SRGAP3: variants seen among roughly 807,000 people sequenced by gnomAD.
SRGAP3 encodes SLIT-ROBO Rho GTPase-activating protein 3.
Under a neutral mutation model 121.1 loss-of-function variants are expected in SRGAP3, and 39 were observed. The observed-to-expected ratio is 0.32, with a 90% confidence interval of 0.25 to 0.42. The LOEUF (loss-of-function observed/expected upper bound fraction) is 0.42, where lower values mean the gene tolerates loss of function less well. SRGAP3 is among the 10% of genes least tolerant of loss of function. SRGAP3 has a pLI of 1.00. For missense variants in SRGAP3, 1,213 were observed against 1,470.6 expected (o/e 0.82, Z 2.86); for synonymous variants, 601 against 570.0 (o/e 1.05, Z -0.77).
At chr3:9,001,091 G>A (rs1942732631) in intron 18 of SRGAP3, among the ~76,000 whole-genome samples, 1 of 152,234 alleles carries the variant, frequency 6.6e-6, no homozygotes, top group Non-Finnish European at 1.5e-5. Context: ...GAAGGAAGGG[G>A]AGGGGATATG....
rs757405998 is a variant in SRGAP3 at position 8,994,386 on chromosome 3, C to A, written c.2365G>T (p.Val789Leu). 3.1e-6 allele frequency: 5 copies of A among 1,614,228 alleles called. No individual in the cohort carries two copies. Among genetic ancestry groups the A allele is most frequent in the Non-Finnish European group, 4.2e-6 (5 of 1,180,042 alleles). The change falls in exon 19 of 22, where the codon GTG becomes TTG. Residue 789 changes from valine (V) to leucine (L), a missense_variant. By Grantham distance (32) the Val-to-Leu change is conservative. This residue lies in a region of SRGAP3 where 793 missense variants were observed against 1,032.9 expected (regional missense o/e 0.77). Coordinates refer to ENST00000383836, the MANE Select transcript of SRGAP3 (RefSeq NM_014850.4). ...TACTGATGGGGGATGAGTCCATCCACGCCGTTGTGCCGGCCCTCCCACCAG... is the reference window on the plus strand; with the variant it reads ...TACTGATGGGGGATGAGTCCATCCAAGCCGTTGTGCCGGCCCTCCCACCAG... ...EDWWEGRHNG[V>L]DGLIPHQYIV...
At chr3:8,994,898 CTT>C (rs979571846) in intron 18 of SRGAP3, among the ~76,000 whole-genome samples, 1 of 152,158 alleles carries the variant, frequency 6.6e-6, no homozygotes, top group African/African-American at 2.4e-5. Flanking sequence ...CCCTTTTCCT[CTT>C]TGTCATTTAT....
At chr3:9,060,134 G>T (rs115491786) in intron 6 of SRGAP3, 97 bp downstream of exon 6, 35,665 of 1,578,872 alleles carry the variant, frequency 0.023, 522 homozygotes, top group South Asian at 0.034. Context: ...ACCCGAGAAT[G>T]TCAGGTAAAG....
chr3:9,015,911 G>T, intron 14 of SRGAP3, 180 bp from the exon 15 acceptor site: 1 of 652,850 alleles, frequency 1.5e-6, no homozygotes, highest in Non-Finnish European at 2.6e-6. Flanking sequence ...CAACTTATTT[G>T]AAAATGTTTA....
intron 1 of SRGAP3, among the ~76,000 whole-genome samples, chr3:9,182,855 ACTG>A (rs1951467844): frequency 1.3e-5 from 2 of 151,952 alleles, no homozygotes; most frequent in South Asian, 4.2e-4. Flanking sequence ...TGGAGGTCTC[ACTG>A]TGTTGCCCAG....
At chr3:8,987,428 T>C (rs2324668) in intron 21 of SRGAP3, among the ~76,000 whole-genome samples, 2 of 150,658 alleles carry the variant, frequency 1.3e-5, no homozygotes, top group African/African-American at 5.0e-5. Context: ...CTAAAAAAAA[T>C]AAATAAAAAG....
intron 3 of SRGAP3, among the ~76,000 whole-genome samples, chr3:9,284,222 C>T (rs1954728536): frequency 6.6e-6 from 1 of 152,116 alleles, no homozygotes; most frequent in South Asian, 2.1e-4. Flanking sequence ...CGGTATGCCA[C>T]ACAAGTGCTT....
chr3:9,184,261 C>T (rs1951526029), intron 1 of SRGAP3, among the ~76,000 whole-genome samples: 1 of 152,160 alleles, frequency 6.6e-6, no homozygotes, highest in African/African-American at 2.4e-5. Context: ...TGACCTTTAA[C>T]AAAACCTGCT....
chr3:9,067,614 T>C (rs1946490957), intron 4 of SRGAP3, among the ~76,000 whole-genome samples: 1 of 152,170 alleles, frequency 6.6e-6, no homozygotes, highest in Admixed American at 6.5e-5. Flanking sequence ...ATGATCTTCA[T>C]GCCTTGGTTA....
chr3:9,334,699 A>G (rs944755344), intron 1 of SRGAP3, among the ~76,000 whole-genome samples: 4 of 152,230 alleles, frequency 2.6e-5, no homozygotes, highest in Non-Finnish European at 5.9e-5. Context: ...GGTGACTGCC[A>G]GGTCTAATGG....
intron 1 of SRGAP3, among the ~76,000 whole-genome samples, chr3:9,161,408 C>T (rs1048974186): frequency 3.3e-5 from 5 of 152,212 alleles, no homozygotes; most frequent in Admixed American, 2.6e-4. Context: ...GTGTGCCAGA[C>T]ACTGCACCAA....
intron 1 of SRGAP3, chr3:9,193,164 G>A (rs1212331790): frequency 6.6e-6 from 1 of 152,272 alleles, no homozygotes; most frequent in Admixed American, 6.5e-5. Flanking sequence ...GAGGGATGAT[G>A]AAGTCAGTCA....
At chr3:9,205,166 C>G (rs1009981556) in intron 1 of SRGAP3, among the ~76,000 whole-genome samples, 1 of 152,136 alleles carries the variant, frequency 6.6e-6, no homozygotes, top group Non-Finnish European at 1.5e-5. Context: ...AACACAAAGT[C>G]ACAAGTGTAA....
intron 3 of SRGAP3, among the ~76,000 whole-genome samples, chr3:9,101,175 T>C (rs560456425): frequency 1.3e-5 from 2 of 152,338 alleles, no homozygotes; most frequent in African/African-American, 4.8e-5. Context: ...GCGTTCTTTA[T>C]TGAGGGACAT....
intron 2 of SRGAP3, among the ~76,000 whole-genome samples, chr3:9,113,993 G>A (rs777865314): frequency 3.3e-5 from 5 of 152,162 alleles, no homozygotes; most frequent in Non-Finnish European, 5.9e-5. Flanking sequence ...GCCAGAGAGC[G>A]CAGTTCAGGG....
chr3:9,088,754 A>G (rs1947609270), intron 3 of SRGAP3, among the ~76,000 whole-genome samples: 1 of 151,744 alleles, frequency 6.6e-6, no homozygotes, highest in African/African-American at 2.4e-5. Flanking sequence ...ATGCTTTCCC[A>G]GTGTTGAAAA....
intron 3 of SRGAP3, among the ~76,000 whole-genome samples, chr3:9,294,500 G>A (rs540955800): frequency 1.3e-5 from 2 of 151,850 alleles, no homozygotes; most frequent in Non-Finnish European, 2.9e-5. Flanking sequence ...TAGCAAACCT[G>A]CACATGTATC....
At chr3:9,229,017 G>T (rs896939593) in intron 1 of SRGAP3, among the ~76,000 whole-genome samples, 1 of 146,614 alleles carries the variant, frequency 6.8e-6, no homozygotes, top group African/African-American at 2.6e-5. Flanking sequence ...AGCCGAGATT[G>T]CGCCACTGCA....
chr3:9,068,226 A>T (rs1300815164), intron 4 of SRGAP3, among the ~76,000 whole-genome samples: 1 of 152,112 alleles, frequency 6.6e-6, no homozygotes, highest in Non-Finnish European at 1.5e-5. Flanking sequence ...GGGAAAAGAG[A>T]GCCTTTCTAT....
Sources: allele counts gnomAD v4.1 joint callset (sites outside exome capture counted in the v4.1 genomes callset), GRCh38; gene constraint gnomAD v4.1.1; regional missense constraint gnomAD v4.1.1; transcripts MANE v1.5; gene names NCBI Gene and HGNC (gene_info 2026-07-23, HGNC 2026-07-21).